Variants in ROBO2 observed in about 807,000 individuals in gnomAD.
The protein encoded by ROBO2 is roundabout homolog 2.
In ROBO2, 53 loss-of-function variants were observed where a neutral mutation model predicts 160.8. That is an observed-to-expected ratio of 0.33 (90% CI 0.26 to 0.41). The LOEUF is 0.41. ROBO2 is among the 10% of genes least tolerant of loss of function. ROBO2 has a pLI of 1.00. For synonymous variants in ROBO2, 664 were observed against 611.7 expected (o/e 1.09, Z -1.26); for missense variants, 1,577 against 1,722.4 (o/e 0.92, Z 1.49).
At chr3:76,370,443 ATTTATTAAAT>A (rs2076048340) in intron 2 of ROBO2, among the ~76,000 whole-genome samples, 2 of 152,040 alleles carry the variant, frequency 1.3e-5, no homozygotes, top group East Asian at 3.9e-4. Flanking sequence ...TAATGTCCTC[ATTTATTAAAT>A]CTCTTTCAGT....
chr3:76,524,993 A>T (rs1257109630), intron 2 of ROBO2, among the ~76,000 whole-genome samples: 1 of 151,744 alleles, frequency 6.6e-6, no homozygotes, highest in Non-Finnish European at 1.5e-5. Flanking sequence ...CAAAGAAAAA[A>T]ATTACACTGG....
At chr3:77,536,470 T>G (rs1363297604) in intron 6 of ROBO2, among the ~76,000 whole-genome samples, 2 of 152,118 alleles carry the variant, frequency 1.3e-5, no homozygotes, top group African/African-American at 2.4e-5. Flanking sequence ...CCTCTCTCTC[T>G]TTCTCTCTCT....
intron 2 of ROBO2, among the ~76,000 whole-genome samples, chr3:76,941,966 A>G (rs986971368): frequency 1.5e-4 from 23 of 152,234 alleles, no homozygotes; most frequent in Non-Finnish European, 2.2e-4. Context: ...GTAAATAAGT[A>G]TTAAATGAAT....
chr3:77,494,343 G>A (rs1186926802), intron 5 of ROBO2, among the ~76,000 whole-genome samples: 1 of 151,994 alleles, frequency 6.6e-6, no homozygotes, highest in Admixed American at 6.5e-5. Flanking sequence ...TTGGGAGGCC[G>A]AGGCAGGTGG....
At chr3:76,591,633 T>C (rs1028194459) in intron 2 of ROBO2, among the ~76,000 whole-genome samples, 2 of 152,150 alleles carry the variant, frequency 1.3e-5, no homozygotes, top group Admixed American at 1.3e-4. Flanking sequence ...TTGTCTTTCT[T>C]TTCTTTGAGA....
chr3:76,664,485 T>C (rs1050397213), intron 2 of ROBO2, among the ~76,000 whole-genome samples: 1 of 152,190 alleles, frequency 6.6e-6, no homozygotes, highest in Non-Finnish European at 1.5e-5. Flanking sequence ...TAAAGGGACA[T>C]ACATAGGAAA....
chr3:76,579,293 T>C (rs977358550), intron 2 of ROBO2, among the ~76,000 whole-genome samples: 1 of 152,200 alleles, frequency 6.6e-6, no homozygotes, highest in African/African-American at 2.4e-5. Flanking sequence ...CAATTTCATA[T>C]ATCTCCAGTA....
intron 2 of ROBO2, among the ~76,000 whole-genome samples, chr3:77,383,791 C>T (rs1175439320): frequency 6.6e-6 from 1 of 152,092 alleles, no homozygotes; most frequent in African/African-American, 2.4e-5. Context: ...TCCATACTTC[C>T]TTTCAACAAA....
chr3:76,848,552 A>G (rs953422108), intron 2 of ROBO2, among the ~76,000 whole-genome samples: 4 of 152,192 alleles, frequency 2.6e-5, no homozygotes, highest in African/African-American at 9.7e-5. Context: ...CTGCCATAAC[A>G]AAATACCATA....
At chr3:76,447,057 A>G (rs1225276691) in intron 2 of ROBO2, among the ~76,000 whole-genome samples, 1 of 152,214 alleles carries the variant, frequency 6.6e-6, no homozygotes, top group Non-Finnish European at 1.5e-5. Context: ...TAATTAAACT[A>G]AAGAGCTTCT....
chr3:76,661,533 A>G (rs1327791098), intron 2 of ROBO2, among the ~76,000 whole-genome samples: 1 of 152,182 alleles, frequency 6.6e-6, no homozygotes, highest in Non-Finnish European at 1.5e-5. Context: ...ACATCAATCA[A>G]TAGACGTAAG....
At chr3:76,952,617 CTT>C (rs1462389623) in intron 2 of ROBO2, among the ~76,000 whole-genome samples, 1 of 151,994 alleles carries the variant, frequency 6.6e-6, no homozygotes, top group Non-Finnish European at 1.5e-5. Flanking sequence ...GTGCAATAAA[CTT>C]TTGCACAGTC....
intron 2 of ROBO2, among the ~76,000 whole-genome samples, chr3:77,199,062 T>G (rs2150998444): frequency 6.6e-6 from 1 of 152,160 alleles, no homozygotes; most frequent in Admixed American, 6.5e-5. Flanking sequence ...AAATACAGGG[T>G]GATACATACA....
chr3:75,962,209 C>T (rs370516383), intron 2 of ROBO2, among the ~76,000 whole-genome samples: 1 of 151,642 alleles, frequency 6.6e-6, no homozygotes, highest in Admixed American at 6.6e-5. Flanking sequence ...AAGGAAACGA[C>T]TTTATGATTA....
intron 2 of ROBO2, among the ~76,000 whole-genome samples, chr3:76,015,901 A>G (rs1455615330): frequency 2.0e-5 from 3 of 152,056 alleles, no homozygotes; most frequent in South Asian, 2.1e-4. Flanking sequence ...TCTATTCTCT[A>G]TTTTCTTTGG....
At chr3:76,600,667 C>G (rs2087071308) in intron 2 of ROBO2, among the ~76,000 whole-genome samples, 1 of 152,296 alleles carries the variant, frequency 6.6e-6, no homozygotes, top group African/African-American at 2.4e-5. Context: ...TCACCTCCCA[C>G]TGGATTCCTC....
Position 77,550,995 on chromosome 3 carries a change from A to T in ROBO2, c.1231+6A>T. On this transcript the variant is annotated splice_donor_region_variant and intron_variant, in intron 8 of 25. Coordinates refer to ENST00000461745, the Ensembl canonical transcript of ROBO2. ...TCAACTGGAGGTTACTGATGGTGCG[A>T]TATCTTTACTAGATTTGTCTTATGA... 6.2e-7 allele frequency: 1 copy of T among 1,612,420 alleles called. No individual in the cohort carries two copies. The highest frequency in any genetic ancestry group is 8.5e-7 in the Non-Finnish European group (1 of 1,178,924).
chr3:76,231,449 C>T (rs1428438649), intron 2 of ROBO2, among the ~76,000 whole-genome samples: 4 of 152,036 alleles, frequency 2.6e-5, no homozygotes, highest in Admixed American at 6.6e-5. Context: ...ATAGGTATAC[C>T]GTTTTTTGTT....
chr3:76,235,727 C>A (rs537569566), intron 2 of ROBO2, among the ~76,000 whole-genome samples: 1 of 152,124 alleles, frequency 6.6e-6, no homozygotes, highest in African/African-American at 2.4e-5. Flanking sequence ...GTTCCATAGC[C>A]ATTTTATATA....
Sources: allele counts gnomAD v4.1 joint callset (sites outside exome capture counted in the v4.1 genomes callset), GRCh38; gene constraint gnomAD v4.1.1; transcripts MANE v1.5; gene names NCBI Gene and HGNC (gene_info 2026-07-23, HGNC 2026-07-21).